INPP4B: variants seen among roughly 807,000 people sequenced by gnomAD.
INPP4B encodes inositol polyphosphate-4-phosphatase type II B.
A neutral mutation model predicts 122.5 loss-of-function variants in INPP4B; 55 were observed. That is an observed-to-expected ratio of 0.45 (90% CI 0.36 to 0.56). The LOEUF (loss-of-function observed/expected upper bound fraction) is 0.56, where lower values mean the gene tolerates loss of function less well. Among genes scored for constraint, INPP4B ranks in the 20% least tolerant of loss-of-function variants. The pLI is 0.00. For missense variants in INPP4B, 1,000 were observed against 1,097.7 expected (o/e 0.91, Z 1.26); for synonymous variants, 403 against 388.7 (o/e 1.04, Z -0.43).
intron 9 of INPP4B, among the ~76,000 whole-genome samples, chr4:142,273,304 T>A (rs374338725): frequency 1.3e-5 from 2 of 151,928 alleles, no homozygotes; most frequent in African/African-American, 4.8e-5. Flanking sequence ...TTTATTAATG[T>A]ATTAAATTAT....
chr4:142,331,605 T>C (rs1274597576), intron 7 of INPP4B, among the ~76,000 whole-genome samples: 4 of 152,204 alleles, frequency 2.6e-5, no homozygotes, highest in Admixed American at 2.6e-4. Flanking sequence ...AATTTACGTA[T>C]TTGTTTGAGA....
intron 2 of INPP4B, among the ~76,000 whole-genome samples, chr4:142,534,586 A>C (rs1036308147): frequency 6.6e-6 from 1 of 152,018 alleles, no homozygotes; most frequent in African/African-American, 2.4e-5. Flanking sequence ...GTATTCTCTT[A>C]CAACAGCATA....
chr4:142,219,810 T>C (rs886468325), intron 12 of INPP4B, among the ~76,000 whole-genome samples: 4 of 152,208 alleles, frequency 2.6e-5, no homozygotes, highest in Non-Finnish European at 4.4e-5. Flanking sequence ...GAATATTCTA[T>C]GTCAAATTTG....
intron 2 of INPP4B, among the ~76,000 whole-genome samples, chr4:142,604,097 T>C (rs553569600): frequency 2.0e-5 from 3 of 152,136 alleles, no homozygotes; most frequent in South Asian, 2.1e-4. Flanking sequence ...AAATGTGATA[T>C]ATAACATCAA....
intron 12 of INPP4B, among the ~76,000 whole-genome samples, chr4:142,225,517 AAT>A (rs763332497): frequency 0.022 from 3,171 of 147,074 alleles, 48 homozygotes; most frequent in Non-Finnish European, 0.025. Flanking sequence ...TATACACACA[AAT>A]ATATATATAT....
intron 25 of INPP4B, among the ~76,000 whole-genome samples, chr4:142,062,540 A>G (rs762012696): frequency 7.9e-5 from 12 of 152,162 alleles, no homozygotes; most frequent in Admixed American, 3.9e-4. Flanking sequence ...GATCAAGATC[A>G]TACTGGTCAA....
chr4:142,441,813 T>C (rs1244930921), intron 3 of INPP4B, among the ~76,000 whole-genome samples: 3 of 85,916 alleles, frequency 3.5e-5, no homozygotes, highest in African/African-American at 1.0e-4. Context: ...AGTTAAGAAA[T>C]AGCTTTTTTT....
At chr4:142,694,462 A>G (rs1025642484) in intron 2 of INPP4B, among the ~76,000 whole-genome samples, 6 of 152,154 alleles carry the variant, frequency 3.9e-5, no homozygotes, top group African/African-American at 1.4e-4. Context: ...TCTTTAATAA[A>G]TAAAGCTAAT....
At chr4:142,122,269 G>A (rs1175809958) in intron 20 of INPP4B, 24 bp from the exon 21 acceptor site, 2 of 1,517,332 alleles carry the variant, frequency 1.3e-6, no homozygotes, top group East Asian at 4.6e-5. Flanking sequence ...AAGGCACTTA[G>A]CTACAAACAA....
intron 1 of INPP4B, among the ~76,000 whole-genome samples, chr4:142,845,785 G>C (rs956965953): frequency 6.6e-6 from 1 of 152,066 alleles, no homozygotes; most frequent in Non-Finnish European, 1.5e-5. Flanking sequence ...TTGGAAGTGA[G>C]AGCGAGTGCC....
chr4:142,256,205 G>C (rs1735916798), intron 11 of INPP4B, among the ~76,000 whole-genome samples: 2 of 149,872 alleles, frequency 1.3e-5, no homozygotes. Flanking sequence ...ATTCAAAGCA[G>C]TGTGTAGAGG....
chr4:142,678,824 A>C (rs1438562632), intron 2 of INPP4B, among the ~76,000 whole-genome samples: 1 of 151,878 alleles, frequency 6.6e-6, no homozygotes, highest in African/African-American at 2.4e-5. Context: ...TCATCTACTC[A>C]AACATTTGTT....
intron 11 of INPP4B, among the ~76,000 whole-genome samples, chr4:142,255,000 G>C (rs1457872819): frequency 6.6e-6 from 1 of 152,154 alleles, no homozygotes; most frequent in African/African-American, 2.4e-5. Flanking sequence ...ACTAACAGCG[G>C]CTCTCTCGGC....
intron 2 of INPP4B, among the ~76,000 whole-genome samples, chr4:142,694,142 G>A (rs528454631): frequency 1.3e-5 from 2 of 152,154 alleles, no homozygotes; most frequent in East Asian, 3.9e-4. Context: ...GGAGGCCGAC[G>A]CAGGCAGATC....
chr4:142,353,506 TCTCC>T (rs1407424471), intron 7 of INPP4B, among the ~76,000 whole-genome samples: 1 of 151,972 alleles, frequency 6.6e-6, no homozygotes, highest in Admixed American at 6.6e-5. Context: ...CTTCTCAGAC[TCTCC>T]ATGCCTTCCA....
At chr4:142,845,878 C>T (rs1415948200) in intron 1 of INPP4B, among the ~76,000 whole-genome samples, 2 of 152,048 alleles carry the variant, frequency 1.3e-5, no homozygotes, top group Non-Finnish European at 2.9e-5. Flanking sequence ...CAGAGTTCCA[C>T]GGGGGCCCGG....
chr4:142,483,673 G>C (rs1161919131), intron 2 of INPP4B, among the ~76,000 whole-genome samples: 1 of 152,032 alleles, frequency 6.6e-6, no homozygotes, highest in Non-Finnish European at 1.5e-5. Context: ...GAAGTGATGA[G>C]CAGCAACCAG....
chr4:142,071,889 G>C (rs554195467), intron 25 of INPP4B, among the ~76,000 whole-genome samples: 6 of 152,262 alleles, frequency 3.9e-5, no homozygotes, highest in African/African-American at 1.4e-4. Context: ...ACTATTGGTG[G>C]GACTGTAAAC....
Position 142,208,531 on chromosome 4 carries a change from T to C in INPP4B, c.968-2A>G. ...TGCTGCTTGATTTGAAAGAGGACCCTGATGGAAACCAGAAATTAAACATTA... is the reference window on the plus strand; with the variant it reads ...TGCTGCTTGATTTGAAAGAGGACCCCGATGGAAACCAGAAATTAAACATTA... On this transcript the variant is annotated splice_acceptor_variant, in intron 13 of 25. Transcript: ENST00000262992. LOFTEE classifies it high-confidence loss of function. 6.6e-7 allele frequency: 1 copy of C among 1,516,140 alleles called. No individual in the cohort carries two copies. Among genetic ancestry groups the C allele is most frequent in the Non-Finnish European group, 9.0e-7 (1 of 1,107,482 alleles). The allele number at this position is 1,516,140 out of a possible 1,614,324, so 93.9% of individuals were successfully genotyped here. A position where few individuals can be genotyped will look rare whatever the true frequency, so the allele number is the denominator to read the frequency against.
Sources: allele counts gnomAD v4.1 joint callset (sites outside exome capture counted in the v4.1 genomes callset), GRCh38; gene constraint gnomAD v4.1.1; transcripts MANE v1.5; gene names NCBI Gene and HGNC (gene_info 2026-07-23, HGNC 2026-07-21).